Variants in CROCC observed in about 807,000 individuals in gnomAD.
CROCC encodes rootletin.
A neutral mutation model predicts 245.2 loss-of-function variants in CROCC; 180 were observed. The ratio of observed to expected loss-of-function variants is 0.73; its 90% CI spans 0.65 to 0.83. The LOEUF (loss-of-function observed/expected upper bound fraction) is 0.83, where lower values mean the gene tolerates loss of function less well. CROCC is among the 40% of genes least tolerant of loss of function. The pLI is 0.00. For synonymous variants in CROCC, 1,205 were observed against 1,241.6 expected (o/e 0.97, Z 0.62); for missense variants, 2,688 against 2,779.4 (o/e 0.97, Z 0.74).
At position 16,941,708 on chromosome 1, in the gene CROCC, A is replaced by G. The variant is rs2075936827; in HGVS notation, c.1808+1615A>G. ...GATGGCGCCACTGCACTCCAGCCTGAGCGACAGAGCAAGACTCCGTCTCAA... is the reference window on the plus strand; with the variant it reads ...GATGGCGCCACTGCACTCCAGCCTGGGCGACAGAGCAAGACTCCGTCTCAA... On this transcript the variant is annotated intron_variant, in intron 13 of 36. Transcript: ENST00000375541. Among the ~76,000 whole-genome samples, 5 of 151,712 alleles carry G rather than the reference A, an allele frequency of 3.3e-5. No individual in the cohort carries two copies. In the East Asian group the frequency reaches 9.7e-4, roughly 29 times the overall value.
At chr1:16,922,423 T>C (rs1337426497) in intron 1 of CROCC, among the ~76,000 whole-genome samples, 1 of 152,262 alleles carries the variant, frequency 6.6e-6, no homozygotes, top group African/African-American at 2.4e-5. Context: ...CAGTGGGGTT[T>C]GGGAGTTACC....
chr1:16,936,609 C>T, intron 8 of CROCC, 28 bp from the exon 9 acceptor site: 1 of 1,540,892 alleles, frequency 6.5e-7, no homozygotes. Flanking sequence ...AAGCCCCATC[C>T]ATCCCCAGCC....
In CROCC at chr1:16,953,501, G is replaced by A. The variant is rs761771513; in HGVS notation, c.3186+20G>A. The A allele has an allele frequency of 2.5e-6, 4 of 1,584,348 alleles. No homozygotes were observed. The South Asian group carries it at 3.4e-5, about 13-fold the overall frequency. ...CAGCAGGTTCGTGAGCCCTGGCATG[G>A]CCTCTGCTGCTCTCTGAGCTGCTCC... On this transcript the variant is annotated intron_variant, in intron 21 of 36. Transcript: ENST00000375541.
At chr1:16,938,861 C>A (rs373419893) in intron 11 of CROCC, 48 bp from the exon 12 acceptor site, 13 of 1,564,440 alleles carry the variant, frequency 8.3e-6, no homozygotes, top group South Asian at 1.1e-5. Flanking sequence ...GCTAACCCCG[C>A]GGTTCCTAAC....
intron 24 of CROCC, 141 bp from the exon 25 acceptor site, chr1:16,955,845 CAGCCCTGCAGG>C: frequency 1.0e-6 from 1 of 973,292 alleles, no homozygotes; most frequent in South Asian, 1.7e-5. Flanking sequence ...GCCTGGGCCC[CAGCCCTGCAGG>C]GCTCAGGGCT....
In CROCC at chr1:16,960,765, T is replaced by C. The variant is rs751236370; in HGVS notation, c.4040T>C (p.Val1347Ala). ...SLEVMRQELQ[V>A]AQRKLQEQEG... The stretch of plus-strand genomic sequence containing the variant: ...CTCCTGGCATCACTCCAGCTCCAGG[T>C]AGCCCAGCGGAAGCTGCAGGAACAA... The change falls in exon 27 of 37, where the codon GTA (valine) becomes GCA (alanine). Residue 1347 changes from valine to alanine, a missense_variant. Coordinates refer to ENST00000375541, the MANE Select transcript of CROCC (RefSeq NM_014675.5). 2 of 1,529,612 alleles carry C rather than the reference T, an allele frequency of 1.3e-6. No homozygotes were observed. The highest frequency in any genetic ancestry group is 1.9e-5 in the Admixed American group (1 of 52,626). 94.8% of individuals were successfully genotyped at this position (1,529,612 alleles called of 1,614,324 possible).
In CROCC at chr1:16,931,495, A is replaced by G. The variant is rs2075677260; in HGVS notation, c.956+98A>G. The G allele has an allele frequency of 5.9e-6, 7 of 1,187,346 alleles. No homozygotes were observed. The South Asian group carries it at 7.6e-5, about 13-fold the overall frequency. 73.6% of individuals were successfully genotyped at this position (1,187,346 alleles called of 1,614,324 possible). On this transcript the variant is annotated intron_variant, in intron 8 of 36. Transcript: ENST00000375541. The stretch of plus-strand genomic sequence containing the variant: ...AATTTCAGTTCAACTCAACGCACTT[A>G]CTGTGCACAAGGGCCGGTGAGGACA...
At chr1:16,935,300 C>T in intron 8 of CROCC, among the ~76,000 whole-genome samples, 1 of 152,360 alleles carries the variant, frequency 6.6e-6, no homozygotes, top group East Asian at 1.9e-4. Context: ...CACTTTTTTG[C>T]ATATACGCCT....
intron 20 of CROCC, 23 bp downstream of exon 20, chr1:16,951,145 G>A: frequency 3.4e-6 from 5 of 1,467,596 alleles, no homozygotes; most frequent in Non-Finnish European, 4.5e-6. Flanking sequence ...GGGGAGGGGT[G>A]GGCAGGACTC....
intron 27 of CROCC, among the ~76,000 whole-genome samples, chr1:16,962,736 A>ATT (rs869142735): frequency 2.1e-5 from 3 of 140,168 alleles, no homozygotes; most frequent in Admixed American, 7.2e-5. Flanking sequence ...ATATATGTAT[A>ATT]TTTTTTTTTT....
At chr1:16,947,685 G>T (rs181805316) in intron 17 of CROCC, among the ~76,000 whole-genome samples, 666 of 152,078 alleles carry the variant, frequency 4.4e-3, no homozygotes, top group Middle Eastern at 6.8e-3. Context: ...AGGAAGCAGG[G>T]TGCAGGTCTC....
In CROCC at chr1:16,938,845, T is replaced by TGCCCAGCTAACCCC; in HGVS notation, c.1375-61_1375-48dup. 3 of 1,503,348 alleles carry TGCCCAGCTAACCCC rather than the reference T, an allele frequency of 2.0e-6. No homozygotes were observed. In the South Asian group the frequency reaches 3.6e-5, roughly 18 times the overall value. The allele number at this position is 1,503,348 out of a possible 1,614,324, so 93.1% of individuals were successfully genotyped here. On this transcript the variant is annotated intron_variant, in intron 11 of 36. Coordinates refer to ENST00000375541, the MANE Select transcript of CROCC (RefSeq NM_014675.5). Reference sequence around the variant, plus strand: ...GCCCCCAGCCTCACCTGGGCGTCTTTGCCCAGCTAACCCCGCGGTTCCTAA... The same window carrying TGCCCAGCTAACCCC: ...GCCCCCAGCCTCACCTGGGCGTCTTTGCCCAGCTAACCCCGCCCAGCTAACCCCGCGGTTCCTAA...
At chr1:16,914,767 C>T (rs6421400) in intron 1 of CROCC, among the ~76,000 whole-genome samples, 129,221 of 152,074 alleles carry the variant, frequency 0.85, 54,146 homozygotes, top group East Asian at 0.89. Flanking sequence ...TCCTGATTTT[C>T]ACACAGACTT....
At chr1:16,923,176 C>T (rs1413278985) in intron 2 of CROCC, among the ~76,000 whole-genome samples, 20 of 152,388 alleles carry the variant, frequency 1.3e-4, no homozygotes, top group South Asian at 4.1e-4. Context: ...GAGTGGATGG[C>T]GCCGTCCATC....
At position 16,924,388 on chromosome 1, in the gene CROCC, A is replaced by T; in HGVS notation, c.260A>T (p.Gln87Leu). The T allele has an allele frequency of 6.2e-7, 1 of 1,613,302 alleles. No individual in the cohort carries two copies. The highest frequency in any genetic ancestry group is 8.5e-7 in the Non-Finnish European group (1 of 1,179,886). Residue 87 changes from glutamine (Q) to leucine (L), a missense_variant, in exon 3 of 37, where the codon CAG becomes CTG. Physicochemically the swap from Gln to Leu is moderately radical, Grantham distance 113 (BLOSUM62 -2). Around this residue, in one of 9 missense-constraint regions of CROCC, gnomAD observed 972 missense variants for 895.3 expected, o/e 1.09. Coordinates refer to ENST00000375541, the MANE Select transcript of CROCC (RefSeq NM_014675.5). ...LSLQEENQLL[Q>L]QELSRVEDLL... is the part of the protein sequence containing the mutation. ...CTGCAGGAGGAGAACCAGCTGCTGC[A>T]GCAGGAGCTGTCCCGCGTGGAGGAC...
intron 16 of CROCC, 47 bp downstream of exon 16, chr1:16,946,452 C>T: frequency 6.3e-7 from 1 of 1,594,732 alleles, no homozygotes; most frequent in Non-Finnish European, 8.5e-7. Flanking sequence ...ACCCATCCTC[C>T]CCACTCAGTG....
rs2076468616 is a variant in CROCC, at chr1:16,969,137, G to A, written c.5098G>A (p.Ala1700Thr). 1 of 1,606,116 alleles carries A rather than the reference G, an allele frequency of 6.2e-7. No homozygotes were observed. The highest frequency in any genetic ancestry group is 1.3e-5 in the African/African-American group (1 of 75,028). The change falls in exon 32 of 37, where the codon GCA becomes ACA. Residue 1700 changes from alanine to threonine, a missense_variant. Ala to Thr is a moderately conservative substitution (Grantham distance 58, BLOSUM62 0). Transcript: ENST00000375541. ...QRQVADSEVKAGTLQLTVERL... is the reference protein window; with the variant it reads ...QRQVADSEVKTGTLQLTVERL... ...CCAGGTGGCCGACAGCGAGGTGAAGGCAGGGACCCTGCAGCTGACCGTGGA... is the reference window on the plus strand; with the variant it reads ...CCAGGTGGCCGACAGCGAGGTGAAGACAGGGACCCTGCAGCTGACCGTGGA...
intron 18 of CROCC, 101 bp downstream of exon 18, chr1:16,948,625 G>A (rs1269408325): frequency 1.3e-5 from 19 of 1,483,638 alleles, no homozygotes; most frequent in Non-Finnish European, 1.7e-5. Flanking sequence ...CAGTTACTAA[G>A]GAGTCTGGCT....
At chr1:16,925,855 G>A (rs538689408) in intron 3 of CROCC, among the ~76,000 whole-genome samples, 3 of 152,376 alleles carry the variant, frequency 2.0e-5, no homozygotes, top group East Asian at 1.9e-4. Flanking sequence ...GGTCTGCAGC[G>A]GGTGTGTAGG....
Sources: allele counts gnomAD v4.1 joint callset (sites outside exome capture counted in the v4.1 genomes callset), GRCh38; gene constraint gnomAD v4.1.1; regional missense constraint gnomAD v4.1.1; transcripts MANE v1.5; gene names NCBI Gene and HGNC (gene_info 2026-07-23, HGNC 2026-07-21).